The following DPYSL2 variants were observed in gnomAD, a reference collection of about 807,000 sequenced individuals.
The protein encoded by DPYSL2 is dihydropyrimidinase-related protein 2.
In DPYSL2, 13 loss-of-function variants were observed where a neutral mutation model predicts 69.9. The ratio of observed to expected loss-of-function variants is 0.19; its 90% CI spans 0.12 to 0.30. The LOEUF is 0.30. Ranked by LOEUF, DPYSL2 falls within the 10% of genes least tolerant of loss-of-function variation. The probability of loss-of-function intolerance (pLI) is 1.00; values close to 1 mark genes in which losing one functional copy is unlikely to be tolerated. For missense variants in DPYSL2, 587 were observed against 918.9 expected, an observed-to-expected ratio of 0.64 and a Z score of 4.67; for synonymous variants, 326 against 359.1, an observed-to-expected ratio of 0.91 and a Z score of 1.04.
At chr8:26,638,965 G>A (rs1486091024) in intron 8 of DPYSL2, among the ~76,000 whole-genome samples, 1 of 152,222 alleles carries the variant, frequency 6.6e-6, no homozygotes, top group Non-Finnish European at 1.5e-5. Flanking sequence ...GTGGCCGTGG[G>A]CAGTGCCTGA....
At chr8:26,544,705 C>T (rs6999863) in intron 1 of DPYSL2, among the ~76,000 whole-genome samples, 68,833 of 152,016 alleles carry the variant, frequency 0.45, 16,477 homozygotes, top group African/African-American at 0.62. Context: ...TTCTAAAAGT[C>T]CTTTTGAGAA....
At chr8:26,622,578 C>T (rs1802522604) in intron 3 of DPYSL2, among the ~76,000 whole-genome samples, 2 of 151,818 alleles carry the variant, frequency 1.3e-5, no homozygotes, top group African/African-American at 4.8e-5. Flanking sequence ...TCTTGGCTCA[C>T]TGCAACTTCT....
chr8:26,602,981 AG>A (rs1455529398), intron 3 of DPYSL2, among the ~76,000 whole-genome samples: 1 of 152,208 alleles, frequency 6.6e-6, no homozygotes, highest in African/African-American at 2.4e-5. Flanking sequence ...GGTGGGCAGG[AG>A]AAGGGAGTGT....
chr8:26,576,005 T>G (rs1563392593), intron 1 of DPYSL2, among the ~76,000 whole-genome samples: 1 of 152,190 alleles, frequency 6.6e-6, no homozygotes, highest in African/African-American at 2.4e-5. Flanking sequence ...CATTACCGGT[T>G]GACAGCAATA....
chr8:26,607,724 A>G (rs904972547), intron 3 of DPYSL2, among the ~76,000 whole-genome samples: 4 of 151,640 alleles, frequency 2.6e-5, no homozygotes, highest in Non-Finnish European at 4.4e-5. Flanking sequence ...TGGCAGGTTG[A>G]GGCTGCAGTG....
chr8:26,556,760 G>C (rs1424796630), intron 1 of DPYSL2, among the ~76,000 whole-genome samples: 2 of 152,004 alleles, frequency 1.3e-5, no homozygotes, highest in African/African-American at 4.8e-5. Flanking sequence ...AGTTTATATG[G>C]AGAAGCAAAG....
chr8:26,647,919 G>A lies in DPYSL2; in HGVS notation c.1596+119G>A. The A allele has an allele frequency of 8.1e-7, 1 of 1,237,260 alleles. No homozygotes were observed. The highest frequency in any genetic ancestry group is 1.1e-6 in the Non-Finnish European group (1 of 903,518). 76.6% of individuals were successfully genotyped at this position (1,237,260 alleles called of 1,614,324 possible). ...TGCTGTGATGGGAATGCGCTCGACT[G>A]AGGATGTTATGATTTGCAATTTGCT... On this transcript the variant is annotated intron_variant, in intron 11 of 13. Coordinates refer to ENST00000521913, the MANE Select transcript of DPYSL2 (RefSeq NM_001197293.3). This position sits in a 1 kb window ranked among gnomAD's most constrained non-coding sequence, Gnocchi z 5.1.
rs1803103028 is a variant in DPYSL2, at chr8:26,643,744, G to C, written c.1283+149G>C. 7.8e-7 allele frequency: 1 copy of C among 1,286,332 alleles called. No individual in the cohort carries two copies. Among genetic ancestry groups the C allele is most frequent in the African/African-American group, 1.5e-5 (1 of 67,718 alleles). 79.7% of individuals were successfully genotyped at this position (1,286,332 alleles called of 1,614,324 possible). On this transcript the variant is annotated intron_variant, in intron 9 of 13. Transcript: ENST00000521913. The surrounding 1 kb of genome is among the most constrained non-coding windows in gnomAD (Gnocchi z 6.5). ...ACTAGGTTGGCTACATGAGTACAGG[G>C]AATTGTCATTCTAGCACCATTTTGG... is the stretch of plus-strand genomic sequence containing the variant.
At position 26,556,354 on chromosome 8, in the gene DPYSL2, A is replaced by ATATATATAC. The variant is rs796496998; in HGVS notation, c.355-25607_355-25606insCTATATATA. 1.2e-3 allele frequency among the ~76,000 whole-genome samples: 17 copies of ATATATATAC among 14,064 alleles called. 1 individual carries two copies. Among genetic ancestry groups the ATATATATAC allele is most frequent in the South Asian group, 2.3e-3 (1 of 438 alleles). The allele number at this position is 14,064 out of a possible 152,430, so 9.2% of individuals were successfully genotyped here. On this transcript the variant is annotated intron_variant, in intron 1 of 13. Coordinates refer to ENST00000521913, the MANE Select transcript of DPYSL2 (RefSeq NM_001197293.3). Reference sequence around the variant, plus strand: ...TATATATATAGTATATATATATAGTATATATATATAGTATATATATATAGT... The same window carrying ATATATATAC: ...TATATATATAGTATATATATATAGTATATATATACTATATATATAGTATATATATATAGT...
At chr8:26,625,333 T>A (rs1325918509) in intron 4 of DPYSL2, among the ~76,000 whole-genome samples, 1 of 152,230 alleles carries the variant, frequency 6.6e-6, no homozygotes, top group African/African-American at 2.4e-5. Flanking sequence ...TTCTCACTTT[T>A]GATCATGCGG....
chr8:26,615,316 T>C (rs1269303666), intron 3 of DPYSL2, among the ~76,000 whole-genome samples: 1 of 152,210 alleles, frequency 6.6e-6, no homozygotes, highest in Non-Finnish European at 1.5e-5. Flanking sequence ...CACCTTTCAA[T>C]GTTTGTGACT....
At chr8:26,613,358 C>A (rs1472038677) in intron 3 of DPYSL2, among the ~76,000 whole-genome samples, 2 of 152,246 alleles carry the variant, frequency 1.3e-5, no homozygotes, top group Non-Finnish European at 2.9e-5. Context: ...GAAGGGACAT[C>A]CTCATTCCAG....
chr8:26,600,010 C>T (rs1801955220), intron 3 of DPYSL2, among the ~76,000 whole-genome samples: 1 of 152,168 alleles, frequency 6.6e-6, no homozygotes, highest in Non-Finnish European at 1.5e-5. Flanking sequence ...TGGAATAATA[C>T]AATATGTGGC....
In DPYSL2 at chr8:26,514,936, G is replaced by A. The variant is rs1808252348; in HGVS notation, c.354+257G>A. ...GAGGTGGGGCGTGGGCATAGGGAAT[G>A]GGCTGATCCCCTGCTGGGGCGGGCG... On this transcript the variant is annotated intron_variant, in intron 1 of 13. Transcript: ENST00000521913. The surrounding 1 kb of genome is among the most constrained non-coding windows in gnomAD (Gnocchi z 8.4). Among the ~76,000 whole-genome samples the A allele has an allele frequency of 6.6e-6, 1 of 152,246 alleles. No homozygotes were observed. The highest frequency in any genetic ancestry group is 2.4e-5 in the African/African-American group (1 of 41,474).
At chr8:26,603,165 T>G (rs1471346925) in intron 3 of DPYSL2, among the ~76,000 whole-genome samples, 1 of 152,166 alleles carries the variant, frequency 6.6e-6, no homozygotes, top group Non-Finnish European at 1.5e-5. Context: ...CTTTATTTAT[T>G]TGTTTTTATT....
intron 1 of DPYSL2, among the ~76,000 whole-genome samples, chr8:26,566,862 A>G (rs778034629): frequency 6.6e-6 from 1 of 152,048 alleles, no homozygotes; most frequent in Non-Finnish European, 1.5e-5. Context: ...CTACCCACCC[A>G]TCTATCCATC....
At chr8:26,549,817 G>C (rs1197421286) in intron 1 of DPYSL2, among the ~76,000 whole-genome samples, 1 of 152,192 alleles carries the variant, frequency 6.6e-6, no homozygotes, top group Admixed American at 6.5e-5. Flanking sequence ...TATCCAGCAA[G>C]ATTGTCCTTT....
In DPYSL2 at chr8:26,587,317, G is replaced by A. The variant is rs1801629140; in HGVS notation, c.628+3334G>A. Among the ~76,000 whole-genome samples the A allele has an allele frequency of 6.6e-6, 1 of 152,170 alleles. No individual in the cohort carries two copies. The highest frequency in any genetic ancestry group is 1.5e-5 in the Non-Finnish European group (1 of 68,036). ...CTGCTTGCTGAAATAAAAAATTGAAGTGAATTGGTACAAAAATCTCCCTCT... is the reference window on the plus strand; with the variant it reads ...CTGCTTGCTGAAATAAAAAATTGAAATGAATTGGTACAAAAATCTCCCTCT... On this transcript the variant is annotated intron_variant, in intron 3 of 13. Transcript: ENST00000521913. The surrounding 1 kb of genome is among the most constrained non-coding windows in gnomAD (Gnocchi z 4.2).
chr8:26,555,664 A>T (rs771385372), intron 1 of DPYSL2, among the ~76,000 whole-genome samples: 21 of 151,896 alleles, frequency 1.4e-4, no homozygotes, highest in Admixed American at 1.1e-3. Flanking sequence ...GCAGGTGGAT[A>T]GCTTGAGTCA....
Sources: allele counts gnomAD v4.1 joint callset (sites outside exome capture counted in the v4.1 genomes callset), GRCh38; gene constraint gnomAD v4.1.1; non-coding constraint Gnocchi (gnomAD v3.1); transcripts MANE v1.5; gene names NCBI Gene and HGNC (gene_info 2026-07-23, HGNC 2026-07-21).